TMEM132D: variants seen among roughly 807,000 people sequenced by gnomAD.
TMEM132D encodes transmembrane protein 132D.
Under a neutral mutation model 62.3 loss-of-function variants are expected in TMEM132D, and 21 were observed. The ratio of observed to expected loss-of-function variants is 0.34; its 90% CI spans 0.24 to 0.49. TMEM132D has a LOEUF of 0.49. Ranked by LOEUF, TMEM132D falls within the 20% of genes least tolerant of loss-of-function variation. The pLI, the probability that TMEM132D is intolerant of heterozygous loss-of-function variation, is 0.99. For synonymous variants in TMEM132D, 621 were observed against 575.6 expected (o/e 1.08, Z -1.13); for missense variants, 1,346 against 1,402.8 (o/e 0.96, Z 0.65).
At chr12:129,802,888 C>T (rs1045227177) in intron 1 of TMEM132D, among the ~76,000 whole-genome samples, 5 of 151,454 alleles carry the variant, frequency 3.3e-5, no homozygotes. Flanking sequence ...GGGTTGCAAT[C>T]CTAGTCTCTG....
At chr12:129,788,400 G>A (rs78437474) in intron 1 of TMEM132D, among the ~76,000 whole-genome samples, 15,540 of 152,108 alleles carry the variant, frequency 0.1, 883 homozygotes, top group East Asian at 0.23. Flanking sequence ...AGTTGCTTGC[G>A]CAGAATTGTA....
intron 3 of TMEM132D, among the ~76,000 whole-genome samples, chr12:129,465,559 T>C (rs913384022): frequency 1.3e-5 from 2 of 152,164 alleles, no homozygotes; most frequent in Non-Finnish European, 2.9e-5. Context: ...ATTGTCTCAG[T>C]CCAAAATCTC....
chr12:129,828,306 C>A (rs1295143171), intron 1 of TMEM132D, among the ~76,000 whole-genome samples: 1 of 152,022 alleles, frequency 6.6e-6, no homozygotes, highest in African/African-American at 2.4e-5. Flanking sequence ...TTCTCCATTA[C>A]ATAAATAGAA....
chr12:129,320,479 T>C (rs1037973692), intron 4 of TMEM132D, among the ~76,000 whole-genome samples: 3 of 152,152 alleles, frequency 2.0e-5, no homozygotes, highest in African/African-American at 7.2e-5. Context: ...AACTATACTT[T>C]CCAGTTGTCT....
intron 1 of TMEM132D, among the ~76,000 whole-genome samples, chr12:129,832,571 G>T (rs76632309): frequency 6.6e-6 from 1 of 152,266 alleles, no homozygotes; most frequent in African/African-American, 2.4e-5. Context: ...CAAACAAGAT[G>T]ATGCATATCT....
At position 129,660,618 on chromosome 12, in the gene TMEM132D, C is replaced by T. The variant is rs550851659; in HGVS notation, c.968+39192G>A. Among the ~76,000 whole-genome samples the T allele has an allele frequency of 2.6e-5, 4 of 152,162 alleles. No homozygotes were observed. In the South Asian group the frequency reaches 8.3e-4, roughly 32 times the overall value. On this transcript the variant is annotated intron_variant, in intron 2 of 8. Coordinates refer to ENST00000422113, the MANE Select transcript of TMEM132D (RefSeq NM_133448.3). ...ATGTGTCCAGGATGGCAGGCTCAGT[C>T]GCCATGAAGCCTGCATGTAAAAAAC...
intron 5 of TMEM132D, among the ~76,000 whole-genome samples, chr12:129,141,429 G>A (rs1229337371): frequency 6.6e-6 from 1 of 152,152 alleles, no homozygotes; most frequent in Non-Finnish European, 1.5e-5. Flanking sequence ...AAAAATAGAT[G>A]AACAAGATTG....
intron 2 of TMEM132D, among the ~76,000 whole-genome samples, chr12:129,555,990 G>A (rs189783762): frequency 3.9e-4 from 60 of 152,278 alleles, no homozygotes; most frequent in African/African-American, 1.4e-3. Flanking sequence ...TGGGTGATGG[G>A]TTACACGGGA....
At chr12:129,273,435 CAAA>C (rs36073067) in intron 4 of TMEM132D, among the ~76,000 whole-genome samples, 39,557 of 113,706 alleles carry the variant, frequency 0.35, 5,623 homozygotes, top group South Asian at 0.39. Flanking sequence ...ATCAGCCTGT[CAAA>C]AAAAAAAAAA....
At chr12:129,790,490 G>T (rs1871371554) in intron 1 of TMEM132D, among the ~76,000 whole-genome samples, 1 of 152,160 alleles carries the variant, frequency 6.6e-6, no homozygotes. Context: ...GCTGTCCCCG[G>T]CTGGACTCCT....
rs138615971 is a variant in TMEM132D at position 129,132,756 on chromosome 12, A to G, written c.1444-48054T>C. On this transcript the variant is annotated intron_variant, in intron 5 of 8. Coordinates refer to ENST00000422113, the MANE Select transcript of TMEM132D (RefSeq NM_133448.3). ...GCACACCACGTTGTACACCTTAACT[A>G]TGTACACCTTTCATTCTTCAATCAG... 6.6e-5 allele frequency among the ~76,000 whole-genome samples: 10 copies of G among 152,302 alleles called. No homozygotes were observed. The East Asian group carries it at 1.9e-3, about 29-fold the overall frequency.
chr12:129,321,697 T>A (rs1868714948), intron 4 of TMEM132D, among the ~76,000 whole-genome samples: 1 of 152,170 alleles, frequency 6.6e-6, no homozygotes, highest in African/African-American at 2.4e-5. Context: ...TAGCTGGGAC[T>A]ACAGGCGCCC....
At chr12:129,751,867 G>A (rs1209876483) in intron 1 of TMEM132D, among the ~76,000 whole-genome samples, 1 of 152,158 alleles carries the variant, frequency 6.6e-6, no homozygotes, top group Non-Finnish European at 1.5e-5. Flanking sequence ...GCTGATATTA[G>A]TACAATCTCA....
At chr12:129,241,187 C>G (rs1879929074) in intron 4 of TMEM132D, among the ~76,000 whole-genome samples, 1 of 147,494 alleles carries the variant, frequency 6.8e-6, no homozygotes, top group Admixed American at 6.7e-5. Context: ...AAAAAAACTC[C>G]AAAACAACCA....
rs571876392 is a variant in TMEM132D at position 129,174,522 on chromosome 12, A to C, written c.1443+34998T>G. Among the ~76,000 whole-genome samples, 36 of 152,306 alleles carry C rather than the reference A, an allele frequency of 2.4e-4. 1 individual carries two copies. Among genetic ancestry groups the C allele is most frequent in the African/African-American group, 8.7e-4 (36 of 41,548 alleles). ...GTTCCATGACTTTGCTATTGTAAATAGTGCTGCAATTAACATACATGTGCA... is the reference window on the plus strand; with the variant it reads ...GTTCCATGACTTTGCTATTGTAAATCGTGCTGCAATTAACATACATGTGCA... On this transcript the variant is annotated intron_variant, in intron 5 of 8. Transcript: ENST00000422113.
intron 2 of TMEM132D, among the ~76,000 whole-genome samples, chr12:129,626,565 C>G (rs1424534085): frequency 6.6e-6 from 1 of 152,060 alleles, no homozygotes; most frequent in South Asian, 2.1e-4. Flanking sequence ...TCAAGCGATT[C>G]TCCTACCTCA....
chr12:129,265,125 A>G (rs1387776763), intron 4 of TMEM132D, among the ~76,000 whole-genome samples: 1 of 152,098 alleles, frequency 6.6e-6, no homozygotes, highest in Non-Finnish European at 1.5e-5. Context: ...TCCAGGAAGG[A>G]CCTCTGAGCT....
rs549391105 is a variant in TMEM132D, at chr12:129,607,068, TTTC to T, written c.969-75866_969-75864del. 6.8e-3 allele frequency among the ~76,000 whole-genome samples: 985 copies of T among 145,868 alleles called. 4 individuals are homozygous for T. Among genetic ancestry groups the T allele is most frequent in the Non-Finnish European group, 8.9e-3 (586 of 66,026 alleles). On this transcript the variant is annotated intron_variant, in intron 2 of 8. Transcript: ENST00000422113. ...TAGTTTCTTTTTCTTTCTTTCTTTC[TTTC>T]TTTTTTTTTTTTGAATAGTCACTCT...
At chr12:129,554,643 G>C (rs1354121188) in intron 2 of TMEM132D, among the ~76,000 whole-genome samples, 2 of 152,132 alleles carry the variant, frequency 1.3e-5, no homozygotes, top group African/African-American at 4.8e-5. Flanking sequence ...CTCTTACACA[G>C]AGACCTATAA....
Sources: gnomAD v4.1 joint callset for allele counts (sites outside exome capture counted in the v4.1 genomes callset) on GRCh38, gnomAD v4.1.1 for gene constraint, MANE v1.5 for transcripts, NCBI Gene and HGNC (gene_info 2026-07-23, HGNC 2026-07-21) for gene names.